Variants in SLC38A8 observed in about 807,000 individuals in gnomAD.
SLC38A8 encodes the protein solute carrier family 38 member 8, also known as amino acid transporter SLC38A8.
Under a neutral mutation model 46.0 loss-of-function variants are expected in SLC38A8, and 65 were observed. The observed-to-expected ratio is 1.41, with a 90% CI of 1.16 to 1.74. The LOEUF (loss-of-function observed/expected upper bound fraction) is 1.74, where lower values mean the gene tolerates loss of function less well. Ranked by LOEUF, SLC38A8 falls within the 40% of genes most tolerant of loss-of-function variation. The pLI is 0.00. For synonymous variants in SLC38A8, 447 were observed against 243.7 expected, an observed-to-expected ratio of 1.83 and a Z score of -7.77; for missense variants, 998 against 567.9, an observed-to-expected ratio of 1.76 and a Z score of -7.70.
intron 7 of SLC38A8, among the ~76,000 whole-genome samples, chr16:84,019,086 T>A (rs1039818882): frequency 1.7e-4 from 26 of 149,678 alleles, no homozygotes; most frequent in African/African-American, 3.2e-4. Context: ...CAAAAAAAAT[T>A]TTTTTTTTTT....
chr16:84,012,727 G>A (rs561947625), intron 10 of SLC38A8, among the ~76,000 whole-genome samples: 1 of 152,230 alleles, frequency 6.6e-6, no homozygotes, highest in African/African-American at 2.4e-5. Context: ...GCACCACTGG[G>A]TGCTTCCAGA....
At chr16:84,034,516 T>A (rs1485321341) in intron 3 of SLC38A8, among the ~76,000 whole-genome samples, 5 of 152,176 alleles carry the variant, frequency 3.3e-5, no homozygotes, top group Non-Finnish European at 4.4e-5. Flanking sequence ...AGGTGGCCCC[T>A]GCAACCACTG....
Position 84,021,381 on chromosome 16 carries a change from G to A in SLC38A8, c.805+1394C>T, listed in dbSNP as rs187250965. Among the ~76,000 whole-genome samples, 18 of 152,280 alleles carry A rather than the reference G, an allele frequency of 1.2e-4. No homozygotes were observed. The East Asian group carries it at 3.3e-3, about 28-fold the overall frequency. On this transcript the variant is annotated intron_variant, in intron 7 of 10. Coordinates refer to ENST00000299709, the MANE Select transcript of SLC38A8 (RefSeq NM_001080442.3). ...CACCCGGCCAGTTCATCCCTTTCAA[G>A]TTCAGCCTTCCACAAAACCCTCAGG...
intron 7 of SLC38A8, among the ~76,000 whole-genome samples, chr16:84,019,567 C>G (rs7203751): frequency 0.64 from 97,507 of 151,812 alleles, 32,003 homozygotes; most frequent in African/African-American, 0.77. Context: ...AGGGGACAAT[C>G]AATCAAACCA....
intron 9 of SLC38A8, among the ~76,000 whole-genome samples, chr16:84,015,975 A>G (rs1195948784): frequency 1.3e-5 from 2 of 152,234 alleles, no homozygotes; most frequent in Non-Finnish European, 2.9e-5. Flanking sequence ...CACTGTGCCC[A>G]GCCAGAGGCT....
At chr16:84,037,868 G>C (rs1024733484) in intron 2 of SLC38A8, among the ~76,000 whole-genome samples, 1 of 137,340 alleles carries the variant, frequency 7.3e-6, no homozygotes, top group Admixed American at 8.2e-5. Context: ...GAGTGCCATG[G>C]CACGACCTCG....
intron 6 of SLC38A8, among the ~76,000 whole-genome samples, chr16:84,025,758 G>C (rs1467995381): frequency 1.3e-5 from 2 of 152,216 alleles, no homozygotes; most frequent in African/African-American, 2.4e-5. Context: ...ACACATTCTG[G>C]AAATATAGGA....
chr16:84,032,006 G>A (rs370963920), intron 4 of SLC38A8, 38 bp from the exon 5 acceptor site: 5 of 1,560,870 alleles, frequency 3.2e-6, no homozygotes, highest in East Asian at 2.2e-5. Flanking sequence ...CGCAGTGGGT[G>A]ACATGTGCGG....
intron 5 of SLC38A8, 46 bp downstream of exon 5, chr16:84,031,821 C>A (rs778876468): frequency 6.5e-7 from 1 of 1,532,558 alleles, no homozygotes; most frequent in Non-Finnish European, 9.0e-7. Flanking sequence ...ACTCCCCTGC[C>A]GTGCCTCCCC....
chr16:84,024,238 C>T (rs1354086130), intron 6 of SLC38A8, among the ~76,000 whole-genome samples: 1 of 152,214 alleles, frequency 6.6e-6, no homozygotes, highest in East Asian at 1.9e-4. Flanking sequence ...GTGGGTGCTA[C>T]TGACCAGAAA....
rs546998051 is a variant in SLC38A8 at position 84,012,592 on chromosome 16, G to C, written c.1214+409C>G. On this transcript the variant is annotated intron_variant, in intron 10 of 10. Coordinates refer to ENST00000299709, the MANE Select transcript of SLC38A8 (RefSeq NM_001080442.3). ...AGGACCTAGCTCAGTGCCTAGCAGA[G>C]GAGCCTGGGAACAGCGACCCACTGC... 2.0e-5 allele frequency among the ~76,000 whole-genome samples: 3 copies of C among 152,212 alleles called. 1 individual carries two copies. The highest frequency in any genetic ancestry group is 4.4e-5 in the Non-Finnish European group (3 of 68,046).
intron 6 of SLC38A8, among the ~76,000 whole-genome samples, chr16:84,025,293 G>C (rs2085148675): frequency 6.6e-6 from 1 of 152,114 alleles, no homozygotes; most frequent in Non-Finnish European, 1.5e-5. Context: ...GCCCTGTAGG[G>C]ACCCTACGCA....
At chr16:84,017,073 C>G in intron 8 of SLC38A8, 67 bp downstream of exon 8, 1 of 1,586,748 alleles carries the variant, frequency 6.3e-7, no homozygotes, top group Non-Finnish European at 8.6e-7. Flanking sequence ...ACACCTGGTA[C>G]ATGCTCAATC....
Position 84,016,686 on chromosome 16 carries a change from C to A in SLC38A8, c.995G>T (p.Gly332Val). The change falls in exon 9 of 11, where the codon GGA becomes GTA. Residue 332 changes from glycine (G) to valine (V), a missense_variant. Gly to Val is a moderately radical substitution (Grantham distance 109, BLOSUM62 -3). Transcript: ENST00000299709. ...GTCGGCCAGGGCGCTGGGCCCCCATCCCCCCAAGCAGCTCCTCCTCCAGAA... is the reference window on the plus strand; with the variant it reads ...GTCGGCCAGGGCGCTGGGCCCCCATACCCCCAAGCAGCTCCTCCTCCAGAA... ...QDFWRRSCLG[G>V]WGPSALADPS... 1 of 1,613,300 alleles carries A rather than the reference C, an allele frequency of 6.2e-7. No individual in the cohort carries two copies. The highest frequency in any genetic ancestry group is 1.7e-4 in the Middle Eastern group (1 of 5,846).
intron 7 of SLC38A8, among the ~76,000 whole-genome samples, chr16:84,018,099 G>T (rs976936763): frequency 6.6e-6 from 1 of 152,116 alleles, no homozygotes; most frequent in African/African-American, 2.4e-5. Context: ...CTACAGTTAT[G>T]AAGGCTGAGA....
intron 2 of SLC38A8, among the ~76,000 whole-genome samples, chr16:84,037,365 G>C (rs1597278998): frequency 6.6e-6 from 1 of 151,310 alleles, no homozygotes; most frequent in Non-Finnish European, 1.5e-5. Flanking sequence ...TTTTCCATCT[G>C]TGAAATGGGG....
intron 6 of SLC38A8, among the ~76,000 whole-genome samples, chr16:84,027,443 T>C (rs1315231847): frequency 6.6e-6 from 1 of 152,198 alleles, no homozygotes; most frequent in Admixed American, 6.5e-5. Context: ...ACAACCCCTC[T>C]GCTCCTGAGG....
chr16:84,023,273 G>A (rs1010691073), intron 6 of SLC38A8, among the ~76,000 whole-genome samples: 8 of 152,088 alleles, frequency 5.3e-5, no homozygotes, highest in African/African-American at 1.9e-4. Flanking sequence ...TTTAGATTGT[G>A]CGGCCCAACC....
At chr16:84,022,216 GAA>G (rs1370278731) in intron 7 of SLC38A8, among the ~76,000 whole-genome samples, 1 of 152,194 alleles carries the variant, frequency 6.6e-6, no homozygotes, top group East Asian at 1.9e-4. Flanking sequence ...GTTGGTGAAT[GAA>G]AAAAGACTGG....
Sources: gnomAD v4.1 joint callset for allele counts (sites outside exome capture counted in the v4.1 genomes callset) on GRCh38, gnomAD v4.1.1 for gene constraint, MANE v1.5 for transcripts, NCBI Gene and HGNC (gene_info 2026-07-23, HGNC 2026-07-21) for gene names.